Variants in RHOBTB2 observed in about 807,000 individuals in gnomAD.
RHOBTB2 encodes the protein rho-related BTB domain-containing protein 2.
RHOBTB2 carries 39 observed loss-of-function variants against 66.5 expected under a neutral mutation model. The observed-to-expected ratio is 0.59, with a 90% confidence interval of 0.45 to 0.77. The LOEUF is 0.77. Ranked by LOEUF, RHOBTB2 falls within the 30% of genes least tolerant of loss-of-function variation. The pLI, the probability that RHOBTB2 is intolerant of heterozygous loss-of-function variation, is 0.00. For missense variants in RHOBTB2, 755 were observed against 999.1 expected, an observed-to-expected ratio of 0.76 and a Z score of 3.29; for synonymous variants, 390 against 395.0, an observed-to-expected ratio of 0.99 and a Z score of 0.15.
chr8:23,017,545 C>T lies in RHOBTB2; in HGVS notation c.*76C>T. 6.5e-7 allele frequency: 1 copy of T among 1,537,746 alleles called. No homozygotes were observed. The highest frequency in any genetic ancestry group is 8.8e-7 in the Non-Finnish European group (1 of 1,139,566). ...ACCCCTCTGCTCTTCCGCATCACCC[C>T]ATCCACCTTACAGGGACCAGGGGGC... is the stretch of plus-strand genomic sequence containing the variant. On this transcript the variant is annotated 3_prime_UTR_variant, in exon 10 of 10. Coordinates refer to ENST00000251822, the MANE Select transcript of RHOBTB2 (RefSeq NM_015178.3). The surrounding 1 kb of genome is among the most constrained non-coding windows in gnomAD (Gnocchi z 5.3).
rs34922844 is a variant in RHOBTB2 at position 22,988,153 on chromosome 8, CTTTTTTTTTTTT to C, written c.-137+603_-137+614del. ...CATCTCTGTTGTCCTGCTCCTTCCC[CTTTTTTTTTTTT>C]TTTTTTTTTTTTGAGATGGAGTCTC... is the stretch of plus-strand genomic sequence containing the variant. On this transcript the variant is annotated intron_variant, in intron 1 of 11. Transcript: ENST00000519685. 3.8e-5 allele frequency among the ~76,000 whole-genome samples: 3 copies of C among 78,140 alleles called. No individual in the cohort carries two copies. In the Admixed American group the frequency reaches 4.9e-4, roughly 13 times the overall value. 51.3% of individuals were successfully genotyped at this position (78,140 alleles called of 152,430 possible).
Position 22,999,981 on chromosome 8 carries a change from G to A in RHOBTB2, c.-135G>A. ...GGAGGCTGGAGCCCAGCAGCAGCGCGGCGGCGCCGGCGTCGTCCCAACTTG... is the reference window on the plus strand; with the variant it reads ...GGAGGCTGGAGCCCAGCAGCAGCGCAGCGGCGCCGGCGTCGTCCCAACTTG... On this transcript the variant is annotated 5_prime_UTR_variant, in exon 1 of 10. Coordinates refer to ENST00000251822, the MANE Select transcript of RHOBTB2 (RefSeq NM_015178.3). 1 of 985,566 alleles carries A rather than the reference G, an allele frequency of 1.0e-6. No individual in the cohort carries two copies. Among genetic ancestry groups the A allele is most frequent in the Non-Finnish European group, 1.2e-6 (1 of 830,024 alleles). The allele number at this position is 985,566 out of a possible 1,614,324, so 61.1% of individuals were successfully genotyped here.
chr8:23,010,485 ATCT>A (rs1811109302), intron 6 of RHOBTB2, 50 bp from the exon 7 acceptor site: 1 of 1,572,220 alleles, frequency 6.4e-7, no homozygotes, highest in Non-Finnish European at 8.7e-7. Flanking sequence ...GGTTCAGTTC[ATCT>A]TCTCCTAAGC....
At chr8:22,967,629 G>T in the RHOBTB2 span, among the ~76,000 whole-genome samples, 1 of 145,072 alleles carries the variant, frequency 6.9e-6, no homozygotes, top group Non-Finnish European at 1.5e-5. Flanking sequence ...AAAAAAAAAA[G>T]GGTAAATACT....
the RHOBTB2 span, chr8:22,978,077 G>A: frequency 1.3e-5 from 2 of 152,088 alleles, no homozygotes. Context: ...AATTGCGCCT[G>A]TGACTAGCCA....
chr8:22,964,784 TTTTATTTATTTATTTATTTATTTA>T, the RHOBTB2 span, among the ~76,000 whole-genome samples: 20 of 144,456 alleles, frequency 1.4e-4, no homozygotes, highest in African/African-American at 4.8e-4. Context: ...ATTAGCTTTA[TTTTATTTATTTATTTATTTATTTA>T]TTTATTTATT....
the RHOBTB2 span, among the ~76,000 whole-genome samples, chr8:22,962,514 A>T: frequency 2.0e-5 from 3 of 152,310 alleles, no homozygotes; most frequent in East Asian, 5.8e-4. Flanking sequence ...AGCAGGTTTT[A>T]CTTTATGGGA....
chr8:23,014,871 TGC>T, intron 8 of RHOBTB2, 93 bp downstream of exon 8: 1 of 1,002,150 alleles, frequency 1.0e-6, no homozygotes, highest in Non-Finnish European at 1.5e-6. Context: ...AGATGGTCTA[TGC>T]GGGAGAACCT....
chr8:23,010,141 A>G (rs950866430), intron 6 of RHOBTB2, among the ~76,000 whole-genome samples: 10 of 152,210 alleles, frequency 6.6e-5, no homozygotes, highest in African/African-American at 2.4e-4. Flanking sequence ...AGTGAGTAGT[A>G]TCTGGGTCCC....
intron 1 of RHOBTB2, among the ~76,000 whole-genome samples, chr8:23,001,172 C>T (rs1810767739): frequency 6.6e-6 from 1 of 151,978 alleles, no homozygotes. Flanking sequence ...AGTGACTTTG[C>T]GATTGTCATG....
At chr8:22,953,737 G>A in the RHOBTB2 span, among the ~76,000 whole-genome samples, 9 of 152,194 alleles carry the variant, frequency 5.9e-5, no homozygotes, top group African/African-American at 2.2e-4. Context: ...TGGGAGCTCC[G>A]GGAAAGTTCA....
At chr8:22,975,987 A>G in the RHOBTB2 span, among the ~76,000 whole-genome samples, 4 of 152,066 alleles carry the variant, frequency 2.6e-5, no homozygotes, top group Non-Finnish European at 1.5e-5. Flanking sequence ...CTCTACTAAA[A>G]ATATAAAAAT....
At chr8:22,963,956 T>G in the RHOBTB2 span, among the ~76,000 whole-genome samples, 3 of 152,188 alleles carry the variant, frequency 2.0e-5, no homozygotes, top group African/African-American at 7.2e-5. Context: ...TAATTTTGTA[T>G]TTTTAGTAGA....
At chr8:22,979,757 T>TTTGTGACAGAGTGAGACTC in the RHOBTB2 span, among the ~76,000 whole-genome samples, 1 of 100,610 alleles carries the variant, frequency 9.9e-6, no homozygotes, top group African/African-American at 3.1e-5. Flanking sequence ...TTTTTTTTTT[T>TTTGTGACAGAGTGAGACTC]TGGGACAGAG....
At chr8:22,994,668 C>T, upstream of RHOBTB2, 6 of 1,528,526 alleles carry the variant, frequency 3.9e-6, no homozygotes, top group Admixed American at 2.0e-5. Context: ...CTGTGCTCTC[C>T]CTTCCCAAAC....
the RHOBTB2 span, among the ~76,000 whole-genome samples, chr8:22,968,154 CAA>C: frequency 4.4e-5 from 5 of 114,154 alleles, no homozygotes; most frequent in Non-Finnish European, 3.7e-5. Context: ...GACCCTGTCT[CAA>C]AAAAAAAAAA....
the RHOBTB2 span, among the ~76,000 whole-genome samples, chr8:22,963,257 A>G: frequency 6.6e-6 from 1 of 152,242 alleles, no homozygotes; most frequent in Non-Finnish European, 1.5e-5. Flanking sequence ...CTCTGAATTG[A>G]TACACATCAA....
At chr8:23,002,615 A>G (rs1392321875) in intron 1 of RHOBTB2, among the ~76,000 whole-genome samples, 1 of 152,166 alleles carries the variant, frequency 6.6e-6, no homozygotes, top group Non-Finnish European at 1.5e-5. Flanking sequence ...ACTTGAACCC[A>G]GGAGGCAGAG....
chr8:22,989,181 T>C (rs892981234), intron 1 of RHOBTB2, among the ~76,000 whole-genome samples: 1 of 152,186 alleles, frequency 6.6e-6, no homozygotes. Context: ...TGAGTCTCTC[T>C]GTGTCGCCCA....
Sources: gnomAD v4.1 joint callset for allele counts (sites outside exome capture counted in the v4.1 genomes callset) on GRCh38, gnomAD v4.1.1 for gene constraint, Gnocchi (gnomAD v3.1) non-coding constraint, MANE v1.5 for transcripts, NCBI Gene and HGNC (gene_info 2026-07-23, HGNC 2026-07-21) for gene names.